MPHOSPH9: variants seen among roughly 807,000 people sequenced by gnomAD.
MPHOSPH9 encodes the protein M-phase phosphoprotein 9.
Under a neutral mutation model 145.5 loss-of-function variants are expected in MPHOSPH9, and 88 were observed. That is an observed-to-expected ratio of 0.60 (90% CI 0.51 to 0.72). MPHOSPH9 has a LOEUF of 0.72. Ranked by LOEUF, MPHOSPH9 falls within the 30% of genes least tolerant of loss-of-function variation. The pLI is 0.00. For missense variants in MPHOSPH9, 1,238 were observed against 1,386.6 expected (o/e 0.89, Z 1.70); for synonymous variants, 435 against 486.2 (o/e 0.89, Z 1.39).
chr12:123,190,343 G>A (rs552650604), intron 13 of MPHOSPH9, among the ~76,000 whole-genome samples: 6 of 151,918 alleles, frequency 3.9e-5, no homozygotes, highest in East Asian at 1.9e-4. Flanking sequence ...TAGTAGAGAC[G>A]GGGTTTCAAC....
chr12:123,155,907 T>G lies in MPHOSPH9; in HGVS notation c.*900A>C, dbSNP rs2043849460. The G allele has an allele frequency of 6.6e-6, 1 of 152,308 alleles. No homozygotes were observed. Among genetic ancestry groups the G allele is most frequent in the African/African-American group, 2.4e-5 (1 of 41,460 alleles). The allele number at this position is 152,308 out of a possible 1,614,324, so 9.4% of individuals were successfully genotyped here. A position where few individuals can be genotyped will look rare whatever the true frequency, so the allele number is the denominator to read the frequency against. On this transcript the variant is annotated 3_prime_UTR_variant, in exon 24 of 24. Coordinates refer to ENST00000606320, the MANE Select transcript of MPHOSPH9 (RefSeq NM_022782.4). ...CACCTACAGTGGAAATATTTTCCTT[T>G]TGGCCAGGGTGAAGGAGTGGAAAGG...
intron 21 of MPHOSPH9, 45 bp from the exon 22 acceptor site, chr12:123,161,428 C>T (rs199689716): frequency 6.0e-5 from 96 of 1,603,244 alleles, no homozygotes; most frequent in African/African-American, 1.1e-4. Context: ...ATCAATTTTT[C>T]GTGTAGGTTG....
intron 6 of MPHOSPH9, among the ~76,000 whole-genome samples, chr12:123,216,165 A>G (rs1282651227): frequency 6.6e-6 from 1 of 152,174 alleles, no homozygotes; most frequent in Non-Finnish European, 1.5e-5. Flanking sequence ...GCTTTTCTAG[A>G]ATAAAACTAG....
intron 13 of MPHOSPH9, among the ~76,000 whole-genome samples, chr12:123,189,941 A>C (rs542468259): frequency 9.9e-5 from 15 of 151,966 alleles, no homozygotes; most frequent in Middle Eastern, 3.4e-3. Flanking sequence ...ATCTCAAAAA[A>C]AAAAACAAAA....
intron 16 of MPHOSPH9, among the ~76,000 whole-genome samples, chr12:123,167,158 A>G (rs1345964133): frequency 6.6e-6 from 1 of 152,174 alleles, no homozygotes; most frequent in Non-Finnish European, 1.5e-5. Flanking sequence ...GCACTGTCCA[A>G]CAGAATCTTC....
Position 123,230,391 on chromosome 12 carries a change from T to C in MPHOSPH9, c.-27A>G. On this transcript the variant is annotated 5_prime_UTR_variant, in exon 2 of 24. In the 5' UTR this introduces an upstream ATG that the reference lacks. Transcript: ENST00000606320. ...GTGTACAGAAATTGTTATATTCTCTTATTGGAAAATAAAGGTTCTTGGGCT... is the reference window on the plus strand; with the variant it reads ...GTGTACAGAAATTGTTATATTCTCTCATTGGAAAATAAAGGTTCTTGGGCT... 1.4e-6 allele frequency: 2 copies of C among 1,379,730 alleles called. No homozygotes were observed. Among genetic ancestry groups the C allele is most frequent in the South Asian group, 1.3e-5 (1 of 76,590 alleles). The allele number at this position is 1,379,730 out of a possible 1,614,324, so 85.5% of individuals were successfully genotyped here.
At chr12:123,181,266 C>T in intron 13 of MPHOSPH9, 56 bp from the exon 14 acceptor site, 1 of 1,485,292 alleles carries the variant, frequency 6.7e-7, no homozygotes, top group Non-Finnish European at 9.4e-7. Flanking sequence ...ATTCTATCAA[C>T]TGAGGTACAG....
intron 10 of MPHOSPH9, 34 bp downstream of exon 10, chr12:123,202,590 A>G: frequency 6.4e-7 from 1 of 1,551,858 alleles, no homozygotes. Context: ...CAGAAAATCT[A>G]TTAACATTAC....
intron 8 of MPHOSPH9, 101 bp from the exon 9 acceptor site, chr12:123,203,476 A>G (rs916765646): frequency 1.1e-4 from 115 of 1,063,986 alleles, no homozygotes; most frequent in Non-Finnish European, 1.5e-4. Flanking sequence ...GACTTTAAGC[A>G]AATTGAAAAT....
chr12:123,159,160 T>C lies in MPHOSPH9; in HGVS notation c.3450+1621A>G, dbSNP rs1437432442. Among the ~76,000 whole-genome samples the C allele has an allele frequency of 6.7e-6, 1 of 148,918 alleles. No homozygotes were observed. The highest frequency in any genetic ancestry group is 2.6e-5 in the African/African-American group (1 of 38,952). On this transcript the variant is annotated intron_variant, in intron 23 of 23. Coordinates refer to ENST00000606320, the MANE Select transcript of MPHOSPH9 (RefSeq NM_022782.4). This position sits in a 1 kb window ranked among gnomAD's most constrained non-coding sequence, Gnocchi z 4.3. ...TAAAAAATGATCACATTGGCAGGTA[T>C]TTTTTTTTATTATTCTTTTTCAGAG...
intron 8 of MPHOSPH9, among the ~76,000 whole-genome samples, chr12:123,209,743 T>TC (rs1053656307): frequency 6.7e-6 from 1 of 148,670 alleles, no homozygotes; most frequent in African/African-American, 2.4e-5. Context: ...TGTTGTTTTT[T>TC]TTTTTTTTTT....
rs540073852 is a variant in MPHOSPH9 at position 123,163,204 on chromosome 12, G to A, written c.2909-70C>T. 2.8e-6 allele frequency: 4 copies of A among 1,418,428 alleles called. No individual in the cohort carries two copies. The East Asian group carries it at 1.0e-4, about 36-fold the overall frequency. 87.9% of individuals were successfully genotyped at this position (1,418,428 alleles called of 1,614,324 possible). ...TATCAGCATAACAGTTTCTTATTCAGTATTTTTTTTCTAATTTTGAAAGGA... is the reference window on the plus strand; with the variant it reads ...TATCAGCATAACAGTTTCTTATTCAATATTTTTTTTCTAATTTTGAAAGGA... On this transcript the variant is annotated intron_variant, in intron 19 of 23. Coordinates refer to ENST00000606320, the MANE Select transcript of MPHOSPH9 (RefSeq NM_022782.4).
intron 5 of MPHOSPH9, among the ~76,000 whole-genome samples, chr12:123,219,469 C>T (rs530069904): frequency 1.8e-4 from 27 of 146,798 alleles, no homozygotes; most frequent in African/African-American, 4.5e-4. Context: ...AGGAGAATGG[C>T]GTGAACCCGG....
At position 123,214,653 on chromosome 12, in the gene MPHOSPH9, G is replaced by T. The variant is rs1004536916; in HGVS notation, c.1087+91C>A. 749 of 1,053,446 alleles carry T rather than the reference G, an allele frequency of 7.1e-4. 5 individuals carry two copies. The highest frequency in any genetic ancestry group is 1.1e-3 in the Middle Eastern group (5 of 4,670). The allele number at this position is 1,053,446 out of a possible 1,614,324, so 65.3% of individuals were successfully genotyped here. A position where few individuals can be genotyped will look rare whatever the true frequency, so the allele number is the denominator to read the frequency against. On this transcript the variant is annotated intron_variant, in intron 7 of 23. Coordinates refer to ENST00000606320, the MANE Select transcript of MPHOSPH9 (RefSeq NM_022782.4). ...CCATATGGAGAAATGTAGGCAAGTT[G>T]TTTTTTAAAAATAATGCTCTAAAAA...
intron 8 of MPHOSPH9, among the ~76,000 whole-genome samples, chr12:123,209,256 T>C (rs921347074): frequency 1.3e-5 from 2 of 152,124 alleles, no homozygotes; most frequent in Non-Finnish European, 2.9e-5. Context: ...TTAAGAAGCA[T>C]TGCTAAGATT....
At chr12:123,201,873 G>A (rs969287196) in intron 11 of MPHOSPH9, among the ~76,000 whole-genome samples, 8 of 152,076 alleles carry the variant, frequency 5.3e-5, no homozygotes, top group African/African-American at 1.4e-4. Context: ...CAGGACATAA[G>A]CCATAGACTT....
At chr12:123,210,982 T>C (rs866264296) in intron 7 of MPHOSPH9, among the ~76,000 whole-genome samples, 1,980 of 129,812 alleles carry the variant, frequency 0.015, 22 homozygotes, top group Middle Eastern at 0.022. Context: ...TTTTTCTTTT[T>C]TTTTTTTTTT....
intron 16 of MPHOSPH9, among the ~76,000 whole-genome samples, chr12:123,175,853 T>G (rs1273165824): frequency 6.6e-6 from 1 of 151,806 alleles, no homozygotes; most frequent in Non-Finnish European, 1.5e-5. Flanking sequence ...ATTTCCTATG[T>G]TCTACTAAGA....
upstream of MPHOSPH9, among the ~76,000 whole-genome samples, chr12:123,235,949 A>C (rs2138738407): frequency 6.6e-6 from 1 of 152,150 alleles, no homozygotes; most frequent in African/African-American, 2.4e-5. Context: ...CTATAATCCC[A>C]GCTACTTGGG....
Sources: allele counts gnomAD v4.1 joint callset (sites outside exome capture counted in the v4.1 genomes callset), GRCh38; gene constraint gnomAD v4.1.1; non-coding constraint Gnocchi (gnomAD v3.1); transcripts MANE v1.5; gene names NCBI Gene and HGNC (gene_info 2026-07-23, HGNC 2026-07-21).